OR14A2: variants seen among roughly 807,000 people sequenced by gnomAD.
OR14A2 encodes the protein olfactory receptor family 14 subfamily A member 2.
For missense variants in OR14A2, 237 were observed against 152.9 expected, an observed-to-expected ratio of 1.55 and a Z score of -2.90; for synonymous variants, 114 against 58.6, an observed-to-expected ratio of 1.95 and a Z score of -4.32.
the OR14A2 span, among the ~76,000 whole-genome samples, chr1:247,741,030 A>G: frequency 6.6e-6 from 1 of 152,216 alleles, no homozygotes; most frequent in Admixed American, 6.5e-5. Flanking sequence ...CTTCCTCATG[A>G]AATCTTCTAT....
the OR14A2 span, among the ~76,000 whole-genome samples, chr1:247,734,744 G>A: frequency 1.3e-5 from 2 of 152,058 alleles, 1 homozygote; most frequent in East Asian, 3.9e-4. Context: ...TGTCTCTTAC[G>A]AAATGTCATA....
chr1:247,727,376 T>C (rs1000754407), upstream of OR14A2, among the ~76,000 whole-genome samples: 13 of 151,728 alleles, frequency 8.6e-5, no homozygotes, highest in African/African-American at 2.9e-4. Flanking sequence ...CTTTTGTACA[T>C]TGATTTTGTA....
chr1:247,734,905 C>T, the OR14A2 span, among the ~76,000 whole-genome samples: 1 of 152,164 alleles, frequency 6.6e-6, no homozygotes, highest in Non-Finnish European at 1.5e-5. Flanking sequence ...TCAAAGCAAA[C>T]TAGCGAGCAA....
chr1:247,725,040 TC>T (rs1407425948), upstream of OR14A2, among the ~76,000 whole-genome samples: 6 of 151,890 alleles, frequency 4.0e-5, no homozygotes, highest in Non-Finnish European at 7.4e-5. Flanking sequence ...CTTTGTTTTT[TC>T]CTAGGAGCTT....
At chr1:247,745,571 T>C in the OR14A2 span, among the ~76,000 whole-genome samples, 1 of 151,528 alleles carries the variant, frequency 6.6e-6, no homozygotes, top group Non-Finnish European at 1.5e-5. Context: ...ACAAAAAGAG[T>C]TTTAGAAAGA....
chr1:247,733,556 A>G, the OR14A2 span, among the ~76,000 whole-genome samples: 1 of 152,090 alleles, frequency 6.6e-6, no homozygotes, highest in Non-Finnish European at 1.5e-5. Context: ...CTCCCTATAT[A>G]ACAAAAGCCC....
chr1:247,729,836 T>C, the OR14A2 span, among the ~76,000 whole-genome samples: 1 of 152,104 alleles, frequency 6.6e-6, no homozygotes, highest in Non-Finnish European at 1.5e-5. Context: ...TACTGGTTTG[T>C]TGTTTGCAGG....
chr1:247,734,217 G>T, the OR14A2 span, among the ~76,000 whole-genome samples: 6 of 152,052 alleles, frequency 3.9e-5, no homozygotes, highest in African/African-American at 1.2e-4. Flanking sequence ...ATTAGGGCAC[G>T]CAGAGACCCT....
At chr1:247,733,219 C>T in the OR14A2 span, among the ~76,000 whole-genome samples, 1 of 152,218 alleles carries the variant, frequency 6.6e-6, no homozygotes, top group South Asian at 2.1e-4. Context: ...ACCTGTCTCT[C>T]TAGATTTAAG....
At chr1:247,739,254 G>C in the OR14A2 span, 3 of 780,704 alleles carry the variant, frequency 3.8e-6, no homozygotes, top group East Asian at 7.3e-5. Flanking sequence ...TTGCATTGTA[G>C]TTTCCTATGT....
At chr1:247,727,342 G>A (rs1187975292), upstream of OR14A2, among the ~76,000 whole-genome samples, 2 of 149,180 alleles carry the variant, frequency 1.3e-5, no homozygotes, top group African/African-American at 5.1e-5. Context: ...TTTGTCTGTT[G>A]TTGGTATGTA....
the OR14A2 span, among the ~76,000 whole-genome samples, chr1:247,743,916 A>C: frequency 2.0e-5 from 3 of 152,158 alleles, no homozygotes; most frequent in East Asian, 5.8e-4. Context: ...ATTCTGCTAT[A>C]TTATGTTTAA....
chr1:247,747,359 C>CTTT, the OR14A2 span, among the ~76,000 whole-genome samples: 5,968 of 136,326 alleles, frequency 0.044, 388 homozygotes, highest in African/African-American at 0.14. Flanking sequence ...AATGCGAAGA[C>CTTT]TTTTTTTTTT....
upstream of OR14A2, among the ~76,000 whole-genome samples, chr1:247,728,528 C>G (rs1660441823): frequency 6.6e-6 from 1 of 152,024 alleles, no homozygotes; most frequent in South Asian, 2.1e-4. Context: ...CAGGGATGCC[C>G]TCTCTCACCA....
exon 1 of OR14A2, chr1:247,723,588 G>A (rs1012842323): frequency 5.6e-6 from 4 of 718,352 alleles, no homozygotes; most frequent in Non-Finnish European, 1.0e-5. Flanking sequence ...CAGTACCAAA[G>A]AGCCCTCCAA....
At chr1:247,733,548 C>A in the OR14A2 span, among the ~76,000 whole-genome samples, 1 of 152,134 alleles carries the variant, frequency 6.6e-6, no homozygotes, top group African/African-American at 2.4e-5. Context: ...TCCTCACTCT[C>A]CCTATATAAC....
the OR14A2 span, among the ~76,000 whole-genome samples, chr1:247,744,717 C>T: frequency 2.0e-5 from 3 of 152,056 alleles, no homozygotes; most frequent in Non-Finnish European, 2.9e-5. This position sits in a 1 kb window ranked among gnomAD's most constrained non-coding sequence, Gnocchi z 4.3. Flanking sequence ...TTAAATCTAA[C>T]CTTAAGGGGT....
upstream of OR14A2, among the ~76,000 whole-genome samples, chr1:247,726,854 G>A (rs9662326): frequency 0.011 from 1,331 of 122,674 alleles, 10 homozygotes; most frequent in South Asian, 0.038. Context: ...GATATGCGGC[G>A]TTATTTCTGA....
At chr1:247,723,952 A>C in exon 1 of OR14A2, 1 of 717,076 alleles carries the variant, frequency 1.4e-6, no homozygotes, top group Non-Finnish European at 2.6e-6. Flanking sequence ...CAGGTAAATC[A>C]GTAGGAAGAG....
Sources: allele counts gnomAD v4.1 joint callset (sites outside exome capture counted in the v4.1 genomes callset), GRCh38; gene constraint gnomAD v4.1.1; non-coding constraint Gnocchi (gnomAD v3.1); transcripts MANE v1.5; gene names NCBI Gene and HGNC (gene_info 2026-07-23, HGNC 2026-07-21).